The following CSMD1 variants were observed in gnomAD, a reference collection of about 807,000 sequenced individuals.
The protein encoded by CSMD1 is CUB and Sushi multiple domains 1.
CSMD1 carries 213 observed loss-of-function variants against 417.5 expected under a neutral mutation model. The observed-to-expected ratio is 0.51, with a 90% CI of 0.46 to 0.57. The LOEUF is 0.57. Ranked by LOEUF, CSMD1 falls within the 20% of genes least tolerant of loss-of-function variation. The pLI is 0.00. For synonymous variants in CSMD1, 2,862 were observed against 1,736.8 expected, an observed-to-expected ratio of 1.65 and a Z score of -16.11; for missense variants, 6,923 against 4,529.7, an observed-to-expected ratio of 1.53 and a Z score of -15.17.
chr8:4,001,705 G>A (rs1815686724), intron 4 of CSMD1, among the ~76,000 whole-genome samples: 1 of 152,138 alleles, frequency 6.6e-6, no homozygotes, highest in South Asian at 2.1e-4. Flanking sequence ...GTGGATCATG[G>A]AGACCCATAG....
intron 1 of CSMD1, among the ~76,000 whole-genome samples, chr8:4,867,292 G>A (rs921664613): frequency 6.6e-6 from 1 of 151,986 alleles, no homozygotes; most frequent in Admixed American, 6.5e-5. Flanking sequence ...ATGTGCTTCT[G>A]GAAAATTAAT....
chr8:4,945,842 T>C (rs187805339), intron 1 of CSMD1, among the ~76,000 whole-genome samples: 1 of 152,256 alleles, frequency 6.6e-6, no homozygotes, highest in African/African-American at 2.4e-5. Context: ...AGGTCACGCC[T>C]TGCCACTGAA....
At chr8:3,236,413 T>TA (rs1230973484) in intron 26 of CSMD1, among the ~76,000 whole-genome samples, 1 of 152,124 alleles carries the variant, frequency 6.6e-6, no homozygotes, top group African/African-American at 2.4e-5. Context: ...CAGATTGGAC[T>TA]AAAAAACCAA....
intron 3 of CSMD1, among the ~76,000 whole-genome samples, chr8:4,304,905 A>C (rs1798161626): frequency 6.6e-6 from 1 of 152,172 alleles, no homozygotes; most frequent in African/African-American, 2.4e-5. Flanking sequence ...ATATATATTA[A>C]GGTGTAACGA....
intron 5 of CSMD1, among the ~76,000 whole-genome samples, chr8:3,823,660 T>C (rs1165248072): frequency 6.6e-6 from 1 of 152,092 alleles, no homozygotes; most frequent in East Asian, 1.9e-4. Context: ...AAATACAAAA[T>C]CATTTACACG....
intron 12 of CSMD1, among the ~76,000 whole-genome samples, chr8:3,454,377 C>T (rs1010819191): frequency 5.3e-5 from 8 of 152,136 alleles, no homozygotes; most frequent in African/African-American, 1.7e-4. Context: ...GGTTATTTTG[C>T]TTGTTAGTTG....
Position 4,440,345 on chromosome 8 carries a change from A to C in CSMD1, c.303-20280T>G, listed in dbSNP as rs530018384. Reference sequence around the variant, plus strand: ...TATTAACTGGGAAGCATGTAAATAAATCATTACATATTTATGCAATTATAC... The same window carrying C: ...TATTAACTGGGAAGCATGTAAATAACTCATTACATATTTATGCAATTATAC... On this transcript the variant is annotated intron_variant, in intron 2 of 69. Transcript: ENST00000635120. Among the ~76,000 whole-genome samples the C allele has an allele frequency of 1.1e-4, 17 of 152,308 alleles. No individual in the cohort carries two copies. The South Asian group carries it at 3.3e-3, about 30-fold the overall frequency.
At chr8:4,421,206 A>T (rs1431576422) in intron 2 of CSMD1, among the ~76,000 whole-genome samples, 1 of 152,214 alleles carries the variant, frequency 6.6e-6, no homozygotes, top group South Asian at 2.1e-4. Context: ...CGCAATACAG[A>T]AGACAAGTCA....
intron 7 of CSMD1, among the ~76,000 whole-genome samples, chr8:3,676,497 A>T (rs1303148671): frequency 6.6e-6 from 1 of 152,252 alleles, no homozygotes; most frequent in Non-Finnish European, 1.5e-5. Context: ...AAATTGCCTG[A>T]AAAATTTTAT....
At chr8:3,075,591 A>C (rs1813604092) in intron 49 of CSMD1, among the ~76,000 whole-genome samples, 1 of 151,928 alleles carries the variant, frequency 6.6e-6, no homozygotes, top group Non-Finnish European at 1.5e-5. Context: ...AGCCTCATGT[A>C]TTTCTTTACA....
intron 3 of CSMD1, among the ~76,000 whole-genome samples, chr8:4,244,665 G>A (rs918538914): frequency 6.6e-6 from 1 of 151,972 alleles, no homozygotes; most frequent in African/African-American, 2.4e-5. Context: ...TTACATGACA[G>A]ATTTAAATTG....
chr8:4,614,081 T>C (rs990997422), intron 2 of CSMD1, among the ~76,000 whole-genome samples: 1 of 152,078 alleles, frequency 6.6e-6, no homozygotes, highest in East Asian at 1.9e-4. Context: ...ATTTGACAGT[T>C]TACTGGCAAG....
At chr8:4,263,227 T>A (rs1182560407) in intron 3 of CSMD1, among the ~76,000 whole-genome samples, 1 of 152,116 alleles carries the variant, frequency 6.6e-6, no homozygotes, top group Non-Finnish European at 1.5e-5. Context: ...GGCTAGGCTG[T>A]TGGGTAATGA....
intron 5 of CSMD1, among the ~76,000 whole-genome samples, chr8:3,997,301 G>C (rs1815291552): frequency 6.6e-6 from 1 of 152,086 alleles, no homozygotes; most frequent in African/African-American, 2.4e-5. Context: ...CTAAATAGGC[G>C]GTACTTCATT....
At position 4,150,288 on chromosome 8, in the gene CSMD1, C is replaced by T. The variant is rs542506640; in HGVS notation, c.416-118189G>A. 7.2e-5 allele frequency among the ~76,000 whole-genome samples: 11 copies of T among 152,244 alleles called. No homozygotes were observed. The South Asian group carries it at 1.7e-3, about 23-fold the overall frequency. ...CCCTTTCCCCAGATGTAGAAGTCTC[C>T]AAGCTTCCTCAGCTCCCTGTTAGGA... On this transcript the variant is annotated intron_variant, in intron 3 of 69. Transcript: ENST00000635120.
chr8:4,228,657 A>C (rs921886985), intron 3 of CSMD1, among the ~76,000 whole-genome samples: 5 of 148,586 alleles, frequency 3.4e-5, no homozygotes, highest in Non-Finnish European at 1.5e-5. Flanking sequence ...TTTGCAGATG[A>C]CTATCGATTG....
intron 3 of CSMD1, among the ~76,000 whole-genome samples, chr8:4,077,430 ATTAAT>A (rs1452865657): frequency 6.6e-6 from 1 of 151,520 alleles, no homozygotes; most frequent in Non-Finnish European, 1.5e-5. Flanking sequence ...ATATGCAATA[ATTAAT>A]TTGAGTATCC....
At chr8:4,246,442 C>A (rs954237813) in intron 3 of CSMD1, among the ~76,000 whole-genome samples, 1 of 152,120 alleles carries the variant, frequency 6.6e-6, no homozygotes, top group African/African-American at 2.4e-5. Context: ...ACTCCATTTT[C>A]TTCGTATGGT....
intron 3 of CSMD1, among the ~76,000 whole-genome samples, chr8:4,174,300 G>C (rs1409406767): frequency 6.6e-6 from 1 of 152,106 alleles, no homozygotes; most frequent in Non-Finnish European, 1.5e-5. Context: ...CATTTTTAAA[G>C]GTCATCCACT....
Sources: gnomAD v4.1 joint callset for allele counts (sites outside exome capture counted in the v4.1 genomes callset) on GRCh38, gnomAD v4.1.1 for gene constraint, MANE v1.5 for transcripts, NCBI Gene and HGNC (gene_info 2026-07-23, HGNC 2026-07-21) for gene names.